Variants in CHRM5 observed in about 807,000 individuals in gnomAD.
CHRM5 encodes the protein muscarinic acetylcholine receptor M5.
CHRM5 carries 18 observed loss-of-function variants against 39.0 expected under a neutral mutation model. The observed-to-expected ratio is 0.46, with a 90% confidence interval of 0.32 to 0.68. The LOEUF (loss-of-function observed/expected upper bound fraction) is 0.68, where lower values mean the gene tolerates loss of function less well. CHRM5 is among the 30% of genes least tolerant of loss of function. CHRM5 has a pLI of 0.04. For synonymous variants in CHRM5, 241 were observed against 246.3 expected, an observed-to-expected ratio of 0.98 and a Z score of 0.20; for missense variants, 515 against 651.1, an observed-to-expected ratio of 0.79 and a Z score of 2.28.
At chr15:34,013,168 T>A (rs1323933570) in intron 1 of CHRM5, among the ~76,000 whole-genome samples, 2 of 152,024 alleles carry the variant, frequency 1.3e-5, no homozygotes, top group African/African-American at 2.4e-5. Context: ...TTCAAGCGAT[T>A]CTCATGTCTC....
At chr15:34,041,607 C>A (rs1899479225) in intron 1 of CHRM5, among the ~76,000 whole-genome samples, 1 of 152,190 alleles carries the variant, frequency 6.6e-6, no homozygotes, top group South Asian at 2.1e-4. Context: ...GTGTAAGACT[C>A]AGTAACACTT....
At chr15:34,029,975 C>T (rs978217554) in intron 1 of CHRM5, among the ~76,000 whole-genome samples, 10 of 152,038 alleles carry the variant, frequency 6.6e-5, no homozygotes, top group Non-Finnish European at 1.5e-4. Flanking sequence ...AATTCCAAGC[C>T]GAGCATGGTG....
intron 1 of CHRM5, chr15:34,003,164 C>A (rs1567460464): frequency 6.2e-7 from 1 of 1,613,642 alleles, no homozygotes; most frequent in African/African-American, 1.3e-5. Context: ...TTTCCCTGTT[C>A]ATCATTCTCT....
In CHRM5 at chr15:34,052,868, A is replaced by G. The variant is rs551967320; in HGVS notation, c.-76+5997A>G. 2.6e-5 allele frequency among the ~76,000 whole-genome samples: 4 copies of G among 152,328 alleles called. No individual in the cohort carries two copies. The South Asian group carries it at 8.3e-4, about 32-fold the overall frequency. On this transcript the variant is annotated intron_variant, in intron 2 of 2. Transcript: ENST00000383263. ...AGAGGACACAAACAAATGGAAAAAC[A>G]TCCCATGCTCATGGATAGGAAGAAT...
At chr15:33,992,859 C>T (rs1165518203) in intron 1 of CHRM5, among the ~76,000 whole-genome samples, 1 of 152,124 alleles carries the variant, frequency 6.6e-6, no homozygotes, top group African/African-American at 2.4e-5. Context: ...AAATTTCCTA[C>T]CCAAAATAGC....
intron 1 of CHRM5, among the ~76,000 whole-genome samples, chr15:34,012,132 G>C (rs533105643): frequency 3.3e-5 from 5 of 152,320 alleles, no homozygotes; most frequent in African/African-American, 1.2e-4. Context: ...CAACTCCCAG[G>C]TAAAGTCTAT....
chr15:34,012,816 G>A (rs1300402565), intron 1 of CHRM5, among the ~76,000 whole-genome samples: 1 of 152,196 alleles, frequency 6.6e-6, no homozygotes, highest in African/African-American at 2.4e-5. Flanking sequence ...CCTCAAGCAA[G>A]AACATGCAGA....
At chr15:34,027,258 T>C (rs1417224277) in intron 1 of CHRM5, among the ~76,000 whole-genome samples, 1 of 152,138 alleles carries the variant, frequency 6.6e-6, no homozygotes, top group Non-Finnish European at 1.5e-5. Context: ...CTCATACCTG[T>C]AATCCTAGCA....
chr15:33,987,577 G>GA (rs1555513252), intron 1 of CHRM5, among the ~76,000 whole-genome samples: 9 of 152,126 alleles, frequency 5.9e-5, no homozygotes, highest in Non-Finnish European at 1.2e-4. Context: ...GCGAACAATG[G>GA]TTTTTTTCTC....
intron 1 of CHRM5, among the ~76,000 whole-genome samples, chr15:34,009,192 A>G (rs964789666): frequency 3.9e-5 from 6 of 152,334 alleles, no homozygotes; most frequent in Middle Eastern, 3.4e-3. Context: ...GGTGAAAAAA[A>G]GACATTCCCA....
rs1900463531 is a variant in CHRM5 at position 34,064,634 on chromosome 15, T to C, written c.*318T>C. 3.1e-6 allele frequency: 1 copy of C among 320,822 alleles called. No individual in the cohort carries two copies. The highest frequency in any genetic ancestry group is 4.7e-5 in the Admixed American group (1 of 21,320). The allele number at this position is 320,822 out of a possible 1,614,324, so 19.9% of individuals were successfully genotyped here. A position where few individuals can be genotyped will look rare whatever the true frequency, so the allele number is the denominator to read the frequency against. On this transcript the variant is annotated 3_prime_UTR_variant, in exon 3 of 3. Transcript: ENST00000383263. ...ACAATGAACAGTGACTCAGGGAACT[T>C]ATGCCCCTTCTGTAGGAAACAGCAG... is the stretch of plus-strand genomic sequence containing the variant.
chr15:33,989,574 GATGCCTTTCCTACCACA>G (rs1166016531), intron 1 of CHRM5, among the ~76,000 whole-genome samples: 1 of 151,892 alleles, frequency 6.6e-6, no homozygotes, highest in Non-Finnish European at 1.5e-5. Flanking sequence ...CTACTGAAAA[GATGCCTTTCCTACCACA>G]ATACTAACAC....
chr15:34,050,324 G>T (rs1288196690), intron 2 of CHRM5, among the ~76,000 whole-genome samples: 1 of 152,176 alleles, frequency 6.6e-6, no homozygotes, highest in Non-Finnish European at 1.5e-5. Context: ...GGCCTGCCTT[G>T]CAAGAGCTCC....
At chr15:34,053,664 A>G (rs1483721597) in intron 2 of CHRM5, among the ~76,000 whole-genome samples, 1 of 152,138 alleles carries the variant, frequency 6.6e-6, no homozygotes, top group Non-Finnish European at 1.5e-5. Flanking sequence ...CTTATACCTT[A>G]TACAAAAATT....
chr15:34,040,470 T>C (rs532739335), intron 1 of CHRM5, among the ~76,000 whole-genome samples: 1 of 152,312 alleles, frequency 6.6e-6, no homozygotes, highest in South Asian at 2.1e-4. Flanking sequence ...AGAAACAGTC[T>C]TAAAAATAGT....
chr15:33,988,186 T>C (rs1896558815), intron 1 of CHRM5, among the ~76,000 whole-genome samples: 1 of 152,204 alleles, frequency 6.6e-6, no homozygotes, highest in Admixed American at 6.5e-5. Flanking sequence ...ACACAGCTTC[T>C]TTTTTTGCAG....
rs1900470445 is a variant in CHRM5 at position 34,064,891 on chromosome 15, C to T, written c.*575C>T. ...CTATACTATACTGTGGTTTGTTTTC[C>T]TGTCCCCACATCTGAGTGAAGGTCT... is the stretch of plus-strand genomic sequence containing the variant. On this transcript the variant is annotated 3_prime_UTR_variant, in exon 3 of 3. Coordinates refer to ENST00000383263, the MANE Select transcript of CHRM5 (RefSeq NM_012125.4). The T allele has an allele frequency of 6.0e-6, 1 of 168,000 alleles. No individual in the cohort carries two copies. Among genetic ancestry groups the T allele is most frequent in the African/African-American group, 2.4e-5 (1 of 41,466 alleles). The allele number at this position is 168,000 out of a possible 1,614,324, so 10.4% of individuals were successfully genotyped here. A position where few individuals can be genotyped will look rare whatever the true frequency, so the allele number is the denominator to read the frequency against.
chr15:34,058,263 AC>A (rs1900225695), intron 2 of CHRM5, among the ~76,000 whole-genome samples: 1 of 152,172 alleles, frequency 6.6e-6, no homozygotes, highest in Non-Finnish European at 1.5e-5. Context: ...GTTTGACAAA[AC>A]AACTGGGTAC....
Position 34,063,176 on chromosome 15 carries a change from G to A in CHRM5, c.459G>A (p.Leu153=). 6.2e-7 allele frequency: 1 copy of A among 1,614,132 alleles called. No individual in the cohort carries two copies. Among genetic ancestry groups the A allele is most frequent in the Non-Finnish European group, 8.5e-7 (1 of 1,180,030 alleles). Reference sequence around the variant, plus strand: ...AAAGGGCTGGCATCATGATTGGCTTGGCCTGGCTGATCTCCTTCATCCTCT... The same window carrying A: ...AAAGGGCTGGCATCATGATTGGCTTAGCCTGGCTGATCTCCTTCATCCTCT... ...TPKRAGIMIG[L]AWLISFILWA... is the part of the protein sequence containing the mutation. The change falls in exon 3 of 3, where the codon TTG becomes TTA. Residue 153 remains leucine (L), a synonymous_variant. Coordinates refer to ENST00000383263, the MANE Select transcript of CHRM5 (RefSeq NM_012125.4). The surrounding 1 kb of genome is among the most constrained non-coding windows in gnomAD (Gnocchi z 4.1).
Sources: allele counts gnomAD v4.1 joint callset (sites outside exome capture counted in the v4.1 genomes callset), GRCh38; gene constraint gnomAD v4.1.1; non-coding constraint Gnocchi (gnomAD v3.1); transcripts MANE v1.5; gene names NCBI Gene and HGNC (gene_info 2026-07-23, HGNC 2026-07-21).